ZNFX1: variants seen among roughly 807,000 people sequenced by gnomAD.
ZNFX1 encodes the protein NFX1-type zinc finger-containing protein 1.
ZNFX1 carries 78 observed loss-of-function variants against 179.8 expected under a neutral mutation model. That is an observed-to-expected ratio of 0.43 (90% CI 0.36 to 0.52). The LOEUF is 0.52. Ranked by LOEUF, ZNFX1 falls within the 20% of genes least tolerant of loss-of-function variation. The pLI is 0.00. For synonymous variants in ZNFX1, 848 were observed against 868.5 expected (o/e 0.98, Z 0.42); for missense variants, 1,927 against 2,386.6 (o/e 0.81, Z 4.01).
rs1428673568 is a variant in ZNFX1 at position 49,246,745 on chromosome 20, G to GAAGGGGTGAC, written c.*521_*522insGTCACCCCTT. On this transcript the variant is annotated 3_prime_UTR_variant, in exon 14 of 14. Transcript: ENST00000396105. ...CTAATTTGCAGGAGAGAAGGGGTGA[G>GAAGGGGTGAC]ATTTGTTAACTTTGCTCTCAGTTCT... 4.8e-6 allele frequency: 2 copies of GAAGGGGTGAC among 416,694 alleles called. No individual in the cohort carries two copies. Among genetic ancestry groups the GAAGGGGTGAC allele is most frequent in the African/African-American group, 4.2e-5 (2 of 48,170 alleles). 25.8% of individuals were successfully genotyped at this position (416,694 alleles called of 1,614,324 possible).
At chr20:49,256,160 T>C (rs1980967153) in intron 8 of ZNFX1, among the ~76,000 whole-genome samples, 1 of 152,216 alleles carries the variant, frequency 6.6e-6, no homozygotes, top group African/African-American at 2.4e-5. Context: ...CTCTACCTCT[T>C]ACTAGGTTGT....
At position 49,247,510 on chromosome 20, in the gene ZNFX1, G is replaced by A. The variant is rs760994256; in HGVS notation, c.5514C>T (p.Ala1838=). 6.2e-7 allele frequency: 1 copy of A among 1,614,166 alleles called. No individual in the cohort carries two copies. Among genetic ancestry groups the A allele is most frequent in the Admixed American group, 1.7e-5 (1 of 60,018 alleles). ...ACCAGTGACCACGAGGATAACCTAT[G>A]GCACTGACAATCTGCACTCGCTCTT... The part of the protein sequence containing the change: ...SEEERVQIVS[A]IGYPRGHWFK... The change falls in exon 14 of 14, where the codon GCC becomes GCT. Residue 1838 remains alanine (A), a synonymous_variant. Transcript: ENST00000396105.
intron 1 of ZNFX1, among the ~76,000 whole-genome samples, chr20:49,276,689 G>T (rs758652991): frequency 6.6e-6 from 1 of 152,346 alleles, no homozygotes; most frequent in Non-Finnish European, 1.5e-5. Context: ...GGGTGACTCA[G>T]AGTCCTCAGC....
chr20:49,271,634 G>A lies in ZNFX1; in HGVS notation c.178C>T (p.Pro60Ser). The change falls in exon 3 of 14, where the codon CCT becomes TCT. Residue 60 changes from proline (P) to serine (S), a missense_variant. By Grantham distance (74) the Pro-to-Ser change is moderately conservative. Transcript: ENST00000396105. ...TCTTCCCTCTGCCAGTAAGCAGCAG[G>A]ATGGTTGTTGGCCCTAGGATGCCTT... Reference protein sequence around the residue: ...PGRHPRANNHPAAYWQREERF... With the variant: ...PGRHPRANNHSAAYWQREERF... The A allele has an allele frequency of 1.2e-6, 2 of 1,614,058 alleles. No individual in the cohort carries two copies. Among genetic ancestry groups the A allele is most frequent in the Non-Finnish European group, 1.7e-6 (2 of 1,180,020 alleles).
chr20:49,269,159 C>T (rs528901305), intron 3 of ZNFX1, among the ~76,000 whole-genome samples: 4 of 152,304 alleles, frequency 2.6e-5, no homozygotes, highest in East Asian at 1.9e-4. Context: ...ATATACACCA[C>T]GGAATACTAT....
chr20:49,274,905 G>A (rs1281324811), intron 2 of ZNFX1, among the ~76,000 whole-genome samples: 5 of 151,996 alleles, frequency 3.3e-5, no homozygotes, highest in East Asian at 1.9e-4. Flanking sequence ...GGCGGATCAC[G>A]AGGTCAGGAG....
chr20:49,265,006 T>C, intron 4 of ZNFX1, 142 bp from the exon 5 acceptor site: 1 of 1,098,028 alleles, frequency 9.1e-7, no homozygotes, highest in East Asian at 2.4e-5. Flanking sequence ...CATTAATGAG[T>C]GAGAAGGTCC....
In ZNFX1 at chr20:49,254,584, C is replaced by T. The variant is rs562054265; in HGVS notation, c.2870G>A (p.Arg957His). 1.5e-5 allele frequency: 24 copies of T among 1,614,102 alleles called. No individual in the cohort carries two copies. Among genetic ancestry groups the T allele is most frequent in the South Asian group, 6.6e-5 (6 of 91,080 alleles). ...CTCGGCCATTCTTTCTGCTGATGTG[C>T]GGTACTGGCGTTCATAGCTGAGGAT... ...RKILSYERQY[R>H]TSAERMAELR... Residue 957 changes from arginine (R) to histidine (H), a missense_variant, in exon 10 of 14, where the codon CGC (arginine) becomes CAC (histidine). Physicochemically the swap from Arg to His is conservative, Grantham distance 29. Coordinates refer to ENST00000396105, the MANE Select transcript of ZNFX1 (RefSeq NM_021035.3).
intron 3 of ZNFX1, among the ~76,000 whole-genome samples, chr20:49,266,954 T>C (rs951245927): frequency 1.3e-5 from 2 of 152,200 alleles, no homozygotes; most frequent in East Asian, 1.9e-4. Context: ...TGGAATGCAA[T>C]GGTGTGATCT....
In ZNFX1 at chr20:49,263,423, A is replaced by G. The variant is rs776563511; in HGVS notation, c.2212T>C (p.Cys738Arg). The change falls in exon 6 of 14, where the codon TGC becomes CGC. Residue 738 changes from cysteine to arginine, a missense_variant. By Grantham distance (180) the Cys-to-Arg change is radical (BLOSUM62 -3). Transcript: ENST00000396105. ...TCCCGTAGGACACCACGCATGGTGC[A>G]CTCCAGGGTCTTGGCTCCTTCATGA... The part of the protein sequence containing the change: ...ELHEGAKTLE[C>R]TMRGVLREQY... 3.5e-5 allele frequency: 56 copies of G among 1,611,836 alleles called. No individual in the cohort carries two copies. The highest frequency in any genetic ancestry group is 4.7e-5 in the Non-Finnish European group (55 of 1,179,036).
chr20:49,273,008 T>TAA (rs11481007), intron 2 of ZNFX1, among the ~76,000 whole-genome samples: 60 of 152,126 alleles, frequency 3.9e-4, no homozygotes, highest in African/African-American at 1.2e-3. Context: ...AATGATTTGA[T>TAA]AAAAAAGTTG....
rs1439475401 is a variant in ZNFX1 at position 49,271,008 on chromosome 20, C to A, written c.804G>T (p.Met268Ile). ...GAGAGGTTGGCAGGAGGGAAACCAGCATGGAAGTTTCCTGCACAGAGCTGG... is the reference window on the plus strand; with the variant it reads ...GAGAGGTTGGCAGGAGGGAAACCAGAATGGAAGTTTCCTGCACAGAGCTGG... Reference protein sequence around the residue: ...FPASSVQETSMLVSLLPTSLN... With the variant: ...FPASSVQETSILVSLLPTSLN... Residue 268 changes from methionine to isoleucine, a missense_variant, in exon 3 of 14, where the codon ATG becomes ATT. Transcript: ENST00000396105. The A allele has an allele frequency of 6.2e-7, 1 of 1,614,124 alleles. No individual in the cohort carries two copies. Among genetic ancestry groups the A allele is most frequent in the Non-Finnish European group, 8.5e-7 (1 of 1,180,014 alleles).
At position 49,270,656 on chromosome 20, in the gene ZNFX1, C is replaced by T. The variant is rs764819999; in HGVS notation, c.1156G>A (p.Glu386Lys). ...LREDFVRPLR[E>K]GILELLQSFE... ...CTTTGGAGAAGTTCCAAAATACCTT[C>T]CCGTAAAGGTCTGACGAAATCTTCT... is the stretch of plus-strand genomic sequence containing the variant. The change falls in exon 3 of 14, where the codon GAA becomes AAA. Residue 386 changes from glutamate (E) to lysine (K), a missense_variant. Physicochemically the swap from Glu to Lys is moderately conservative, Grantham distance 56. Transcript: ENST00000396105. This position sits in a 1 kb window ranked among gnomAD's most constrained non-coding sequence, Gnocchi z 4.6. 3.7e-6 allele frequency: 6 copies of T among 1,614,052 alleles called. No individual in the cohort carries two copies. Among genetic ancestry groups the T allele is most frequent in the Non-Finnish European group, 5.1e-6 (6 of 1,180,038 alleles).
At chr20:49,261,407 G>A (rs1439320557) in intron 6 of ZNFX1, among the ~76,000 whole-genome samples, 5 of 152,208 alleles carry the variant, frequency 3.3e-5, no homozygotes, top group South Asian at 2.1e-4. Flanking sequence ...TGTCCTTTGC[G>A]AGGACCTGAA....
chr20:49,275,437 C>T (rs1223163711), intron 2 of ZNFX1, among the ~76,000 whole-genome samples: 7 of 152,146 alleles, frequency 4.6e-5, no homozygotes, highest in African/African-American at 1.4e-4. Flanking sequence ...CCACCCCTTC[C>T]TGAGGTTCAA....
intron 8 of ZNFX1, among the ~76,000 whole-genome samples, chr20:49,256,590 C>T (rs1033427450): frequency 2.6e-5 from 4 of 152,164 alleles, no homozygotes; most frequent in African/African-American, 9.7e-5. Context: ...AGAAGGCTCG[C>T]AAGTCAGACA....
In ZNFX1 at chr20:49,249,579, A is replaced by C. The variant is rs755069987; in HGVS notation, c.3445T>G (p.Tyr1149Asp). ...ELCKYFLCQE[Y>D]LPSQITILTT... is the part of the protein sequence containing the mutation. Reference sequence around the variant, plus strand: ...AGGATGGTGATCTGGGAAGGCAGGTATTCCTGGCACAGGAAGTACTTGCAC... The same window carrying C: ...AGGATGGTGATCTGGGAAGGCAGGTCTTCCTGGCACAGGAAGTACTTGCAC... Residue 1149 changes from tyrosine to aspartate, a missense_variant, in exon 14 of 14, where the codon TAC becomes GAC. By Grantham distance (160) the Tyr-to-Asp change is radical. Coordinates refer to ENST00000396105, the MANE Select transcript of ZNFX1 (RefSeq NM_021035.3). 6.2e-7 allele frequency: 1 copy of C among 1,614,248 alleles called. No homozygotes were observed.
chr20:49,271,319 C>T lies in ZNFX1; in HGVS notation c.493G>A (p.Ala165Thr), dbSNP rs778320225. 3 of 1,614,036 alleles carry T rather than the reference C, an allele frequency of 1.9e-6. No individual in the cohort carries two copies. The change falls in exon 3 of 14, where the codon GCC becomes ACC. Residue 165 changes from alanine (A) to threonine (T), a missense_variant. Coordinates refer to ENST00000396105, the MANE Select transcript of ZNFX1 (RefSeq NM_021035.3). ...AGCTCTTTCAGCCCTAAACTTGTGGCAAGTGTGATGACCACCTCAGAAGGG... is the reference window on the plus strand; with the variant it reads ...AGCTCTTTCAGCCCTAAACTTGTGGTAAGTGTGATGACCACCTCAGAAGGG... ...KDPSEVVITL[A>T]TSLGLKELLS...
rs140804576 is a variant in ZNFX1 at position 49,272,435 on chromosome 20, A to G, written c.62-685T>C. 8.2e-3 allele frequency among the ~76,000 whole-genome samples: 1,251 copies of G among 152,208 alleles called. 17 individuals carry two copies. The highest frequency in any genetic ancestry group is 0.028 in the African/African-American group (1,172 of 41,522). ...TGTGATCCACCCGCCTCAGCCTCCC[A>G]AAGTGCTGGAAGTGCTGGGATTACA... On this transcript the variant is annotated intron_variant, in intron 2 of 13. Transcript: ENST00000396105.
Sources: gnomAD v4.1 joint callset for allele counts (sites outside exome capture counted in the v4.1 genomes callset) on GRCh38, gnomAD v4.1.1 for gene constraint, Gnocchi (gnomAD v3.1) non-coding constraint, MANE v1.5 for transcripts, NCBI Gene and HGNC (gene_info 2026-07-23, HGNC 2026-07-21) for gene names.